PCYT1B: variants seen among roughly 807,000 people sequenced by gnomAD.
PCYT1B encodes choline-phosphate cytidylyltransferase B.
PCYT1B carries 10 observed loss-of-function variants against 26.4 expected under a neutral mutation model. The ratio of observed to expected loss-of-function variants is 0.38; its 90% CI spans 0.23 to 0.64. The LOEUF (loss-of-function observed/expected upper bound fraction) is 0.64. PCYT1B is among the 30% of genes least tolerant of loss of function. The pLI, the probability that PCYT1B is intolerant of heterozygous loss-of-function variation, is 0.56. For synonymous variants in PCYT1B, 131 were observed against 108.4 expected (o/e 1.21, Z -1.29); for missense variants, 161 against 292.7 (o/e 0.55, Z 3.28).
intron 1 of PCYT1B, among the ~76,000 whole-genome samples, chrX:24,670,951 C>T (rs566493839): frequency 9.9e-5 from 11 of 110,809 alleles, no homozygotes; most frequent in Middle Eastern, 4.7e-3. Flanking sequence ...TCCATATCTG[C>T]ACCAGTCCAG....
At chrX:24,565,273 T>C (rs1174306418) in intron 7 of PCYT1B, among the ~76,000 whole-genome samples, 2 of 111,609 alleles carry the variant, frequency 1.8e-5, no homozygotes, top group Admixed American at 9.5e-5. Flanking sequence ...GATACAAAAC[T>C]GGCCCTGAAA....
At chrX:24,588,083 C>T (rs924652768) in intron 4 of PCYT1B, among the ~76,000 whole-genome samples, 2 of 112,114 alleles carry the variant, frequency 1.8e-5, no homozygotes, top group Admixed American at 1.9e-4. Flanking sequence ...TATTTTGGGT[C>T]TTGGGGAGAC....
At chrX:24,595,774 A>T (rs144440385) in intron 3 of PCYT1B, among the ~76,000 whole-genome samples, 1 of 109,647 alleles carries the variant, frequency 9.1e-6, no homozygotes, top group Non-Finnish European at 1.9e-5. Flanking sequence ...CCAGCTACTC[A>T]GGAGGCTGAG....
intron 1 of PCYT1B, among the ~76,000 whole-genome samples, chrX:24,642,498 G>A (rs1926498016): frequency 8.9e-6 from 1 of 112,075 alleles, no homozygotes; most frequent in Non-Finnish European, 1.9e-5. Context: ...CTTCCATAAG[G>A]GTTTAGCATT....
Position 24,633,001 on chromosome X carries a change from G to A in PCYT1B, c.118-13917C>T, listed in dbSNP as rs61275135. Among the ~76,000 whole-genome samples the A allele has an allele frequency of 7.8e-3, 863 of 110,192 alleles. 9 individuals carry two copies. The highest frequency in any genetic ancestry group is 0.027 in the African/African-American group (818 of 30,322). On this transcript the variant is annotated intron_variant, in intron 1 of 7. Coordinates refer to ENST00000379144, the MANE Select transcript of PCYT1B (RefSeq NM_004845.5). ...AAGGTGGGTGGATCACCTGAGGTCA[G>A]GAGTTCGAGACCAGCCTGACCAACA...
At chrX:24,575,063 G>T in intron 7 of PCYT1B, 67 bp downstream of exon 7, 1 of 920,669 alleles carries the variant, frequency 1.1e-6, no homozygotes, top group Non-Finnish European at 1.5e-6. Flanking sequence ...CCCTTGAGTG[G>T]CTCCATAAAA....
intron 7 of PCYT1B, among the ~76,000 whole-genome samples, chrX:24,574,547 C>G (rs1000981637): frequency 7.2e-5 from 8 of 111,632 alleles, no homozygotes; most frequent in African/African-American, 2.6e-4. Flanking sequence ...ACTTGCGTGT[C>G]ATGAAAAACC....
chrX:24,565,413 G>C (rs777122830), intron 7 of PCYT1B, among the ~76,000 whole-genome samples: 2 of 111,551 alleles, frequency 1.8e-5, no homozygotes, highest in African/African-American at 6.5e-5. Context: ...GGGTAGAAGA[G>C]GTGGTCATGT....
rs1436393502 is a variant in PCYT1B, at chrX:24,559,297, A to G, written c.*2996T>C. ...GTGCCATTGCACTCCAGCCTGAGCAACAAGAGCAAAACTCCATCTCAAAAA... is the reference window on the plus strand; with the variant it reads ...GTGCCATTGCACTCCAGCCTGAGCAGCAAGAGCAAAACTCCATCTCAAAAA... On this transcript the variant is annotated 3_prime_UTR_variant, in exon 8 of 8. Transcript: ENST00000379144. The G allele has an allele frequency of 4.1e-5, 4 of 97,292 alleles. No individual in the cohort carries two copies. The highest frequency in any genetic ancestry group is 8.3e-5 in the Non-Finnish European group (4 of 48,111). The allele number at this position is 97,292 out of a possible 1,213,427, so 8.0% of individuals were successfully genotyped here.
intron 3 of PCYT1B, among the ~76,000 whole-genome samples, chrX:24,592,124 A>T (rs1321515019): frequency 1.8e-5 from 2 of 111,591 alleles, no homozygotes; most frequent in Non-Finnish European, 3.8e-5. Flanking sequence ...TTTAGATTCC[A>T]TATATAAGTG....
chrX:24,634,059 G>T (rs1346750118), intron 1 of PCYT1B, among the ~76,000 whole-genome samples: 1 of 110,379 alleles, frequency 9.1e-6, no homozygotes, highest in Non-Finnish European at 1.9e-5. Flanking sequence ...AGGACTACAG[G>T]CACATACCAC....
At chrX:24,588,353 GT>G (rs1271058116) in intron 4 of PCYT1B, among the ~76,000 whole-genome samples, 4 of 111,107 alleles carry the variant, frequency 3.6e-5, no homozygotes, top group Non-Finnish European at 7.5e-5. Flanking sequence ...CCTTAAACAG[GT>G]TTTTTTGTTT....
At chrX:24,669,760 G>A (rs1243857141) in intron 1 of PCYT1B, among the ~76,000 whole-genome samples, 1 of 109,202 alleles carries the variant, frequency 9.2e-6, no homozygotes, top group Admixed American at 1.0e-4. Context: ...GGGAATATAG[G>A]CTAGGGCTCA....
intron 3 of PCYT1B, among the ~76,000 whole-genome samples, chrX:24,605,274 G>A (rs1925088237): frequency 9.0e-6 from 1 of 111,316 alleles, no homozygotes; most frequent in Non-Finnish European, 1.9e-5. Flanking sequence ...TGTCTTCTCT[G>A]CTTGCCTCAC....
intron 2 of PCYT1B, among the ~76,000 whole-genome samples, chrX:24,610,296 A>G (rs772994884): frequency 2.7e-5 from 3 of 111,974 alleles, no homozygotes; most frequent in East Asian, 5.5e-4. Flanking sequence ...TTTCTAATAA[A>G]TTAAATTTCT....
chrX:24,602,134 C>T (rs1924987956), intron 3 of PCYT1B, among the ~76,000 whole-genome samples: 1 of 112,297 alleles, frequency 8.9e-6, no homozygotes, highest in East Asian at 2.8e-4. Context: ...AACTGTGGTA[C>T]ATCCAGACAA....
chrX:24,623,962 C>T (rs1326741749), intron 1 of PCYT1B, among the ~76,000 whole-genome samples: 2 of 104,879 alleles, frequency 1.9e-5, no homozygotes, highest in African/African-American at 7.0e-5. Flanking sequence ...TTAAGCTAAG[C>T]TATACTTTTT....
intron 1 of PCYT1B, among the ~76,000 whole-genome samples, chrX:24,625,205 C>A (rs1252428502): frequency 8.9e-6 from 1 of 112,293 alleles, no homozygotes; most frequent in Admixed American, 9.5e-5. Context: ...TCCAGGTAGG[C>A]CTTTTGCTGT....
chrX:24,627,798 T>C (rs1201985982), intron 1 of PCYT1B, among the ~76,000 whole-genome samples: 3 of 111,460 alleles, frequency 2.7e-5, no homozygotes, highest in African/African-American at 3.3e-5. Flanking sequence ...AGTGGTCAGA[T>C]TCTGGATAGA....
Sources: allele counts gnomAD v4.1 joint callset (sites outside exome capture counted in the v4.1 genomes callset), GRCh38; gene constraint gnomAD v4.1.1; transcripts MANE v1.5; gene names NCBI Gene and HGNC (gene_info 2026-07-23, HGNC 2026-07-21).